The following KICS2 variants were observed in gnomAD, a reference collection of about 807,000 sequenced individuals.
KICS2 encodes KICSTOR subunit 2.
A neutral mutation model predicts 31.4 loss-of-function variants in KICS2; 13 were observed. That is an observed-to-expected ratio of 0.41 (90% CI 0.27 to 0.66). KICS2 has a LOEUF of 0.66. Ranked by LOEUF, KICS2 falls within the 30% of genes least tolerant of loss-of-function variation. The pLI, the probability that KICS2 is intolerant of heterozygous loss-of-function variation, is 0.28. For missense variants in KICS2, 455 were observed against 545.4 expected (o/e 0.83, Z 1.65); for synonymous variants, 209 against 214.8 (o/e 0.97, Z 0.24).
downstream of KICS2, chr12:64,187,033 C>T (rs975459634): frequency 6.6e-6 from 1 of 152,516 alleles, no homozygotes; most frequent in African/African-American, 2.4e-5. Context: ...TAGACCTAAG[C>T]TGGATCAACC....
chr12:64,216,288 A>C (rs1356833786), intron 1 of KICS2, among the ~76,000 whole-genome samples: 2 of 151,716 alleles, frequency 1.3e-5, no homozygotes, highest in Non-Finnish European at 2.9e-5. Context: ...ATTCTCACCC[A>C]CCCCAATTCA....
intron 2 of KICS2, among the ~76,000 whole-genome samples, chr12:64,202,883 A>G (rs577122781): frequency 1.7e-4 from 26 of 152,114 alleles, no homozygotes; most frequent in South Asian, 1.2e-3. Flanking sequence ...GGGACCCTAG[A>G]TAAGTGAGCA....
At chr12:64,188,378 G>A (rs1015811214), downstream of KICS2, among the ~76,000 whole-genome samples, 1 of 152,124 alleles carries the variant, frequency 6.6e-6, no homozygotes. Context: ...ACAAAAATTA[G>A]CCGGGCATGG....
At chr12:64,190,101 C>T (rs1565712374), downstream of KICS2, among the ~76,000 whole-genome samples, 1 of 152,194 alleles carries the variant, frequency 6.6e-6, no homozygotes, top group Non-Finnish European at 1.5e-5. Flanking sequence ...TTATCTGCCT[C>T]CTCTTCTAAA....
chr12:64,197,038 C>T (rs1403193339), intron 2 of KICS2, among the ~76,000 whole-genome samples: 6 of 107,996 alleles, frequency 5.6e-5, no homozygotes, highest in Non-Finnish European at 5.7e-5. Flanking sequence ...AGGATATTAT[C>T]CAGGAGAACT....
chr12:64,215,552 T>C, intron 2 of KICS2, 126 bp downstream of exon 2: 1 of 892,010 alleles, frequency 1.1e-6, no homozygotes, highest in Non-Finnish European at 1.7e-6. Context: ...GTATAAAATG[T>C]AATCCAGTTA....
Position 64,203,185 on chromosome 12 carries a change from G to T in KICS2, c.522-8527C>A, listed in dbSNP as rs1453351501. On this transcript the variant is annotated intron_variant, in intron 2 of 2. Coordinates refer to ENST00000398055, the MANE Select transcript of KICS2 (RefSeq NM_152440.5). ...ACTTTATGACTCAAGCAGAAATTTA[G>T]TCAATGTGGTGACCAACTATGTAAA... 2.0e-5 allele frequency among the ~76,000 whole-genome samples: 3 copies of T among 152,278 alleles called. No homozygotes were observed. The South Asian group carries it at 6.2e-4, about 32-fold the overall frequency.
At chr12:64,219,658 A>G (rs1464055) in intron 1 of KICS2, among the ~76,000 whole-genome samples, 74,225 of 152,000 alleles carry the variant, frequency 0.49, 18,660 homozygotes, top group Middle Eastern at 0.58. Context: ...AGGAAGGAAG[A>G]TAACTATGTA....
At chr12:64,211,653 C>T (rs1434616466) in intron 2 of KICS2, among the ~76,000 whole-genome samples, 1 of 152,104 alleles carries the variant, frequency 6.6e-6, no homozygotes, top group Admixed American at 6.6e-5. Context: ...TTAGTTGCCT[C>T]TTAAAGACGG....
intron 2 of KICS2, among the ~76,000 whole-genome samples, chr12:64,195,082 T>C (rs1249409522): frequency 6.6e-6 from 1 of 152,066 alleles, no homozygotes; most frequent in Non-Finnish European, 1.5e-5. Flanking sequence ...GCTGAGAACA[T>C]AGGCACACAC....
chr12:64,212,105 G>A (rs1462726537), intron 2 of KICS2, among the ~76,000 whole-genome samples: 1 of 151,884 alleles, frequency 6.6e-6, no homozygotes, highest in Non-Finnish European at 1.5e-5. Context: ...GTGAATAAAG[G>A]TGAAGGACAG....
At position 64,192,724 on chromosome 12, in the gene KICS2, T is replaced by C. The variant is rs559671669; in HGVS notation, c.*1118A>G. On this transcript the variant is annotated 3_prime_UTR_variant, in exon 3 of 3. Coordinates refer to ENST00000398055, the MANE Select transcript of KICS2 (RefSeq NM_152440.5). ...CCCATTATGCCTTCACTGATCCACCTACTTCCCATGAACACCTGCCGAAGG... is the reference window on the plus strand; with the variant it reads ...CCCATTATGCCTTCACTGATCCACCCACTTCCCATGAACACCTGCCGAAGG... 5.1e-6 allele frequency: 5 copies of C among 985,438 alleles called. No homozygotes were observed. Among genetic ancestry groups the C allele is most frequent in the South Asian group, 4.7e-5 (1 of 21,290 alleles). 61.0% of individuals were successfully genotyped at this position (985,438 alleles called of 1,614,324 possible).
chr12:64,208,225 T>C (rs1478882116), intron 2 of KICS2, among the ~76,000 whole-genome samples: 1 of 152,228 alleles, frequency 6.6e-6, no homozygotes, highest in East Asian at 1.9e-4. Flanking sequence ...GCCAGGCTGG[T>C]CTCAAACTCC....
chr12:64,193,478 G>A lies in KICS2; in HGVS notation c.*364C>T, dbSNP rs1475106573. The stretch of plus-strand genomic sequence containing the variant: ...CTCTTCCAAGAAGGAGGGAAACAGA[G>A]AGGCTGTTTGGAATTGCAGTAGAAC... On this transcript the variant is annotated 3_prime_UTR_variant, in exon 3 of 3. Transcript: ENST00000398055. 3.9e-6 allele frequency: 4 copies of A among 1,014,622 alleles called. No homozygotes were observed. The highest frequency in any genetic ancestry group is 3.5e-6 in the Non-Finnish European group (3 of 849,346). 62.9% of individuals were successfully genotyped at this position (1,014,622 alleles called of 1,614,324 possible).
At chr12:64,205,714 AAGGG>A (rs111542012) in intron 2 of KICS2, among the ~76,000 whole-genome samples, 4 of 75,650 alleles carry the variant, frequency 5.3e-5, no homozygotes, top group Non-Finnish European at 8.9e-5. Flanking sequence ...GGAAGGAAGG[AAGGG>A]AGGGAGGGAG....
chr12:64,211,576 G>A (rs764976147), intron 2 of KICS2, among the ~76,000 whole-genome samples: 7 of 151,988 alleles, frequency 4.6e-5, no homozygotes, highest in Non-Finnish European at 8.8e-5. Context: ...CCAAGATCAC[G>A]CCACTGCACT....
intron 2 of KICS2, among the ~76,000 whole-genome samples, chr12:64,212,165 A>G (rs1442630709): frequency 6.6e-6 from 1 of 152,220 alleles, no homozygotes; most frequent in Non-Finnish European, 1.5e-5. Context: ...CTTTACTGTT[A>G]ATTATTTCAT....
chr12:64,217,783 A>G (rs1382093136), intron 1 of KICS2, among the ~76,000 whole-genome samples: 1 of 151,958 alleles, frequency 6.6e-6, no homozygotes, highest in East Asian at 1.9e-4. Flanking sequence ...CCTGGGCAAC[A>G]GAGCAAGACT....
At position 64,205,878 on chromosome 12, in the gene KICS2, T is replaced by C. The variant is rs890298135; in HGVS notation, c.521+9800A>G. ...TCTAATGCAACACAAAACTCCACTTTAGAAACACTGCCTTTCTCCTTTGCA... is the reference window on the plus strand; with the variant it reads ...TCTAATGCAACACAAAACTCCACTTCAGAAACACTGCCTTTCTCCTTTGCA... On this transcript the variant is annotated intron_variant, in intron 2 of 2. Transcript: ENST00000398055. 6.6e-5 allele frequency among the ~76,000 whole-genome samples: 10 copies of C among 152,212 alleles called. 1 individual carries two copies. The highest frequency in any genetic ancestry group is 5.2e-4 in the Admixed American group (8 of 15,276).
Sources: allele counts gnomAD v4.1 joint callset (sites outside exome capture counted in the v4.1 genomes callset), GRCh38; gene constraint gnomAD v4.1.1; transcripts MANE v1.5; gene names NCBI Gene and HGNC (gene_info 2026-07-23, HGNC 2026-07-21).